CLDN14: variants seen among roughly 807,000 people sequenced by gnomAD.
CLDN14 encodes the protein claudin 14.
In CLDN14, 2 loss-of-function variants were observed where a neutral mutation model predicts 2.1. The ratio of observed to expected loss-of-function variants is 0.96; its 90% CI spans 0.39 to 3.01. The LOEUF (loss-of-function observed/expected upper bound fraction) is 3.01, where lower values mean the gene tolerates loss of function less well. CLDN14 is among the 30% of genes most tolerant of loss of function. The probability of loss-of-function intolerance (pLI) is 0.09; values close to 1 mark genes in which losing one functional copy is unlikely to be tolerated. For synonymous variants in CLDN14, 136 were observed against 154.4 expected (o/e 0.88, Z 0.88); for missense variants, 298 against 328.0 (o/e 0.91, Z 0.71).
chr21:36,568,776 C>T (rs1044123528), intron 1 of CLDN14, among the ~76,000 whole-genome samples: 56 of 152,216 alleles, frequency 3.7e-4, no homozygotes, highest in African/African-American at 1.3e-3. Context: ...TTCCTCTTCT[C>T]ACAGACACGC....
At chr21:36,564,452 C>A (rs552642476) in intron 1 of CLDN14, among the ~76,000 whole-genome samples, 1 of 152,310 alleles carries the variant, frequency 6.6e-6, no homozygotes, top group Non-Finnish European at 1.5e-5. Flanking sequence ...CAGTAAAACC[C>A]ATTTCCAGTA....
At chr21:36,484,446 C>T (rs2086875630), upstream of CLDN14, among the ~76,000 whole-genome samples, 1 of 152,144 alleles carries the variant, frequency 6.6e-6, no homozygotes, top group African/African-American at 2.4e-5. Context: ...AGACATTTGT[C>T]TGTTGCCTTG....
intron 1 of CLDN14, among the ~76,000 whole-genome samples, chr21:36,515,190 G>C (rs1224832879): frequency 1.3e-5 from 2 of 152,172 alleles, no homozygotes; most frequent in East Asian, 3.9e-4. Flanking sequence ...ACATGGCCCA[G>C]CAATTCCGCT....
chr21:36,575,819 C>G (rs945951069), intron 1 of CLDN14, among the ~76,000 whole-genome samples: 1 of 152,152 alleles, frequency 6.6e-6, no homozygotes, highest in African/African-American at 2.4e-5. Context: ...GCTTTTGGGG[C>G]ATAAATAAGA....
At chr21:36,501,788 C>G (rs1201200438) in intron 2 of CLDN14, among the ~76,000 whole-genome samples, 1 of 152,152 alleles carries the variant, frequency 6.6e-6, no homozygotes, top group East Asian at 1.9e-4. Flanking sequence ...ACACCCCAGG[C>G]TCCCAGCCAG....
At chr21:36,537,348 G>T (rs1445308417) in intron 1 of CLDN14, among the ~76,000 whole-genome samples, 2 of 152,160 alleles carry the variant, frequency 1.3e-5, no homozygotes, top group African/African-American at 2.4e-5. Context: ...GTTCTAGATT[G>T]AAGTTGATAA....
intron 1 of CLDN14, among the ~76,000 whole-genome samples, chr21:36,463,253 G>A (rs748890458): frequency 2.6e-5 from 4 of 152,228 alleles, no homozygotes; most frequent in East Asian, 3.8e-4. Flanking sequence ...AAAGGGAAGC[G>A]TCTCTGCTGA....
At chr21:36,563,977 T>C (rs191734848) in intron 1 of CLDN14, among the ~76,000 whole-genome samples, 86 of 152,294 alleles carry the variant, frequency 5.6e-4, no homozygotes, top group African/African-American at 1.9e-3. Flanking sequence ...CCTTCCCTAA[T>C]GGGAAAGTGT....
intron 1 of CLDN14, among the ~76,000 whole-genome samples, chr21:36,476,269 G>A (rs561669971): frequency 6.6e-6 from 1 of 152,010 alleles, no homozygotes; most frequent in Non-Finnish European, 1.5e-5. Context: ...AAAGTGGTTG[G>A]GGGGGTGGTT....
intron 1 of CLDN14, among the ~76,000 whole-genome samples, chr21:36,514,877 C>G (rs1254991606): frequency 6.6e-6 from 1 of 152,072 alleles, no homozygotes; most frequent in Non-Finnish European, 1.5e-5. Flanking sequence ...GACTTGCTTA[C>G]TCTTACAGTG....
intron 2 of CLDN14, among the ~76,000 whole-genome samples, chr21:36,494,091 C>A (rs2086993650): frequency 6.6e-6 from 1 of 152,198 alleles, no homozygotes; most frequent in Non-Finnish European, 1.5e-5. Flanking sequence ...TCGCAAAGAG[C>A]CCACCCGTGC....
At chr21:36,565,682 G>A (rs571158897) in intron 1 of CLDN14, among the ~76,000 whole-genome samples, 1 of 152,298 alleles carries the variant, frequency 6.6e-6, no homozygotes, top group East Asian at 1.9e-4. Context: ...TATGTGCCAT[G>A]CCCCTGAGCC....
At chr21:36,501,818 G>C (rs2087094558) in intron 2 of CLDN14, among the ~76,000 whole-genome samples, 1 of 152,152 alleles carries the variant, frequency 6.6e-6, no homozygotes, top group Non-Finnish European at 1.5e-5. Flanking sequence ...CTCGAGAGGG[G>C]TTGTTTTTGA....
chr21:36,508,936 A>C (rs1178653636), intron 2 of CLDN14, among the ~76,000 whole-genome samples: 1 of 152,288 alleles, frequency 6.6e-6, no homozygotes, highest in Non-Finnish European at 1.5e-5. Context: ...GGAGGCTGCA[A>C]GTTTGAGGCA....
rs1568860367 is a variant in CLDN14 at position 36,499,016 on chromosome 21, G to A, written c.-82+11347C>T. 6.6e-6 allele frequency among the ~76,000 whole-genome samples: 1 copy of A among 152,138 alleles called. No individual in the cohort carries two copies. The highest frequency in any genetic ancestry group is 1.5e-5 in the Non-Finnish European group (1 of 68,028). On this transcript the variant is annotated intron_variant, in intron 2 of 2. Transcript: ENST00000342108. This position sits in a 1 kb window ranked among gnomAD's most constrained non-coding sequence, Gnocchi z 4.7. ...ATGAAGCACCTTTATTTTCTAATTT[G>A]GCCAGTTTCAGGGCACATGACAATC...
intron 1 of CLDN14, among the ~76,000 whole-genome samples, chr21:36,465,932 C>T (rs1485077404): frequency 6.6e-6 from 1 of 152,094 alleles, no homozygotes; most frequent in Non-Finnish European, 1.5e-5. Context: ...CACAAAACCC[C>T]AAAAGTACAA....
At chr21:36,471,948 G>C (rs1162094812) in intron 1 of CLDN14, among the ~76,000 whole-genome samples, 2 of 152,182 alleles carry the variant, frequency 1.3e-5, no homozygotes, top group African/African-American at 2.4e-5. Context: ...TTGAAGCCCA[G>C]GTGCTCCAAA....
At chr21:36,465,902 CTGGGTCCTGCATT>C (rs1305410793) in intron 1 of CLDN14, among the ~76,000 whole-genome samples, 1 of 152,196 alleles carries the variant, frequency 6.6e-6, no homozygotes, top group East Asian at 1.9e-4. Flanking sequence ...AGGATCAGTA[CTGGGTCCTGCATT>C]TGGGTTCACA....
chr21:36,474,755 G>A (rs1433635091), intron 1 of CLDN14, among the ~76,000 whole-genome samples: 1 of 152,136 alleles, frequency 6.6e-6, no homozygotes, highest in African/African-American at 2.4e-5. Flanking sequence ...GCATGCCTGA[G>A]GAAATGGTTC....
Sources: allele counts gnomAD v4.1 joint callset (sites outside exome capture counted in the v4.1 genomes callset), GRCh38; gene constraint gnomAD v4.1.1; non-coding constraint Gnocchi (gnomAD v3.1); transcripts MANE v1.5; gene names NCBI Gene and HGNC (gene_info 2026-07-23, HGNC 2026-07-21).